GPR176: variants seen among roughly 807,000 people sequenced by gnomAD.
GPR176 encodes the protein G protein-coupled receptor 176, also known as G-protein coupled receptor 176.
In GPR176, 26 loss-of-function variants were observed where a neutral mutation model predicts 35.4. That is an observed-to-expected ratio of 0.74 (90% CI 0.54 to 1.02). The LOEUF (loss-of-function observed/expected upper bound fraction) is 1.02, where lower values mean the gene tolerates loss of function less well. Among genes scored for constraint, GPR176 ranks in the 50% least tolerant of loss-of-function variants. The pLI, the probability that GPR176 is intolerant of heterozygous loss-of-function variation, is 0.00. For synonymous variants in GPR176, 278 were observed against 271.3 expected (o/e 1.02, Z -0.24); for missense variants, 597 against 665.3 (o/e 0.90, Z 1.13).
chr15:39,892,603 C>A (rs946932791), intron 1 of GPR176, among the ~76,000 whole-genome samples: 3 of 152,188 alleles, frequency 2.0e-5, no homozygotes, highest in Non-Finnish European at 4.4e-5. Context: ...TTAGGGTGAG[C>A]CCTTCCTTAT....
intron 1 of GPR176, among the ~76,000 whole-genome samples, chr15:39,833,555 A>AT (rs1407723454): frequency 3.3e-5 from 5 of 152,184 alleles, no homozygotes; most frequent in African/African-American, 1.2e-4. Flanking sequence ...TTCTGGAGTT[A>AT]TGAAAACATC....
chr15:39,861,442 C>T (rs796264813), intron 1 of GPR176, among the ~76,000 whole-genome samples: 22 of 151,790 alleles, frequency 1.4e-4, no homozygotes, highest in African/African-American at 5.1e-4. Context: ...CCCAGCTACC[C>T]GGAGGCTGAA....
At chr15:39,893,457 A>T (rs2032951217) in intron 1 of GPR176, among the ~76,000 whole-genome samples, 1 of 152,096 alleles carries the variant, frequency 6.6e-6, no homozygotes, top group African/African-American at 2.4e-5. Context: ...AGGCAGAAGA[A>T]GTTTTCTTAG....
intron 1 of GPR176, among the ~76,000 whole-genome samples, chr15:39,865,113 G>A (rs2117975): frequency 0.12 from 18,133 of 152,070 alleles, 1,188 homozygotes; most frequent in Middle Eastern, 0.24. Context: ...GAATTTAAAT[G>A]AGTATAACCT....
intron 1 of GPR176, chr15:39,829,103 C>G (rs1252443969): frequency 8.8e-6 from 11 of 1,247,258 alleles, no homozygotes; most frequent in African/African-American, 5.9e-5. Flanking sequence ...AAATAAGAAG[C>G]AGTGGAGCTG....
chr15:39,872,804 C>T (rs2032094775), intron 1 of GPR176, among the ~76,000 whole-genome samples: 2 of 152,070 alleles, frequency 1.3e-5, no homozygotes, highest in Admixed American at 6.6e-5. Flanking sequence ...CACTAACCCA[C>T]GAGGGATCTG....
At chr15:39,886,890 A>G (rs145209095) in intron 1 of GPR176, among the ~76,000 whole-genome samples, 53 of 152,286 alleles carry the variant, frequency 3.5e-4, no homozygotes, top group African/African-American at 1.2e-3. Context: ...CCTAATTTAA[A>G]TGGAAAAAGT....
At chr15:39,832,018 A>T (rs1398979465) in intron 1 of GPR176, among the ~76,000 whole-genome samples, 2 of 151,738 alleles carry the variant, frequency 1.3e-5, no homozygotes, top group Non-Finnish European at 2.9e-5. Flanking sequence ...ACACACACAC[A>T]CACACACACC....
chr15:39,802,520 A>G (rs377758482), intron 2 of GPR176, among the ~76,000 whole-genome samples: 3 of 152,260 alleles, frequency 2.0e-5, no homozygotes, highest in Non-Finnish European at 2.9e-5. Context: ...GAAAACAAGT[A>G]AATAATTTCA....
intron 1 of GPR176, among the ~76,000 whole-genome samples, chr15:39,858,532 A>G (rs2031392155): frequency 6.6e-6 from 1 of 152,126 alleles, no homozygotes; most frequent in Non-Finnish European, 1.5e-5. Context: ...CCTGGGCAAC[A>G]TGATGAGACT....
At chr15:39,835,648 G>C (rs1165407317) in intron 1 of GPR176, among the ~76,000 whole-genome samples, 1 of 152,186 alleles carries the variant, frequency 6.6e-6, no homozygotes, top group Non-Finnish European at 1.5e-5. Context: ...GGGTGGAAAA[G>C]GGATGAAGAA....
chr15:39,869,632 C>T (rs1412033100), intron 1 of GPR176, among the ~76,000 whole-genome samples: 3 of 151,826 alleles, frequency 2.0e-5, no homozygotes, highest in Non-Finnish European at 4.4e-5. Flanking sequence ...CTTTTTAATC[C>T]CTTCATTCTT....
At chr15:39,887,460 T>C (rs2032713291) in intron 1 of GPR176, among the ~76,000 whole-genome samples, 1 of 152,176 alleles carries the variant, frequency 6.6e-6, no homozygotes, top group South Asian at 2.1e-4. Flanking sequence ...AACAGCAGCA[T>C]CATTCATCCA....
rs778167399 is a variant in GPR176, at chr15:39,807,059, G to A, written c.372C>T (p.His124=). ...GGATGGTCACAGAGCAGAATACTTT[G>A]TGCAAAAATTTGACGACCTTGCAGA... ...MLFCKVVKFL[H]KVFCSVTILS... Residue 124 remains histidine (H), a synonymous_variant, in exon 2 of 3, where the codon CAC becomes CAT. Transcript: ENST00000561100. 6.2e-7 allele frequency: 1 copy of A among 1,613,664 alleles called. No individual in the cohort carries two copies. Among genetic ancestry groups the A allele is most frequent in the Admixed American group, 1.7e-5 (1 of 59,992 alleles).
intron 1 of GPR176, among the ~76,000 whole-genome samples, chr15:39,831,846 G>T (rs1003124707): frequency 1.3e-5 from 2 of 152,002 alleles, no homozygotes; most frequent in Non-Finnish European, 2.9e-5. Context: ...ATACAGAATT[G>T]ATCAGGAAGC....
chr15:39,889,270 G>A (rs79582072), intron 1 of GPR176, among the ~76,000 whole-genome samples: 1,897 of 152,154 alleles, frequency 0.012, 48 homozygotes, highest in African/African-American at 0.041. Context: ...AGTATTGGCC[G>A]GCCACAGTGG....
At chr15:39,850,613 A>G (rs1260285013) in intron 1 of GPR176, among the ~76,000 whole-genome samples, 1 of 152,096 alleles carries the variant, frequency 6.6e-6, no homozygotes, top group Non-Finnish European at 1.5e-5. Flanking sequence ...TAAAAGGGCA[A>G]CAGAAGGCTC....
At chr15:39,891,829 ACCTTGTCT>A (rs2032885573) in intron 1 of GPR176, among the ~76,000 whole-genome samples, 1 of 152,128 alleles carries the variant, frequency 6.6e-6, no homozygotes, top group South Asian at 2.1e-4. Flanking sequence ...ACAGAGAGAG[ACCTTGTCT>A]CTAAAAAAAT....
intron 1 of GPR176, among the ~76,000 whole-genome samples, chr15:39,902,510 G>A (rs752409790): frequency 7.9e-5 from 12 of 152,202 alleles, no homozygotes; most frequent in Non-Finnish European, 1.8e-4. Flanking sequence ...CTGGTCATTT[G>A]TAGATTCATT....
Sources: allele counts gnomAD v4.1 joint callset (sites outside exome capture counted in the v4.1 genomes callset), GRCh38; gene constraint gnomAD v4.1.1; transcripts MANE v1.5; gene names NCBI Gene and HGNC (gene_info 2026-07-23, HGNC 2026-07-21).